Variants in XPO7 observed in about 807,000 individuals in gnomAD.
XPO7 encodes exportin-7.
Under a neutral mutation model 144.3 loss-of-function variants are expected in XPO7, and 21 were observed. The observed-to-expected ratio is 0.15, with a 90% CI of 0.10 to 0.21. XPO7 has a LOEUF of 0.21. Among genes scored for constraint, XPO7 ranks in the 10% least tolerant of loss-of-function variants. XPO7 has a pLI of 1.00. For missense variants in XPO7, 808 were observed against 1,325.8 expected (o/e 0.61, Z 6.06); for synonymous variants, 580 against 499.6 (o/e 1.16, Z -2.15).
At chr8:21,980,784 A>C (rs990119373) in intron 9 of XPO7, among the ~76,000 whole-genome samples, 4 of 152,244 alleles carry the variant, frequency 2.6e-5, no homozygotes, top group Non-Finnish European at 4.4e-5. Context: ...CAAAAAAAAA[A>C]AAAAAACTAA....
At chr8:21,934,041 T>C (rs1204496863) in intron 1 of XPO7, among the ~76,000 whole-genome samples, 1 of 152,190 alleles carries the variant, frequency 6.6e-6, no homozygotes, top group East Asian at 1.9e-4. Flanking sequence ...TTTTTTTCAG[T>C]TGTACATTGT....
At chr8:21,941,133 C>CTTTTTTTTTTT (rs34622488) in intron 1 of XPO7, among the ~76,000 whole-genome samples, 1 of 145,440 alleles carries the variant, frequency 6.9e-6, no homozygotes, top group African/African-American at 2.5e-5. Context: ...CTCCTATATG[C>CTTTTTTTTTTT]TTTTTTTTTT....
chr8:22,001,741 AC>A (rs1813155057), intron 24 of XPO7, among the ~76,000 whole-genome samples: 1 of 152,240 alleles, frequency 6.6e-6, no homozygotes. Flanking sequence ...AAAACAGAAA[AC>A]CTAATTCCTG....
intron 2 of XPO7, 28 bp from the exon 3 acceptor site, chr8:21,969,455 T>G: frequency 6.3e-7 from 1 of 1,584,788 alleles, no homozygotes; most frequent in African/African-American, 1.3e-5. Flanking sequence ...AATACAATTT[T>G]AAGTCCTTTT....
Position 21,977,808 on chromosome 8 carries a change from C to G in XPO7, c.802C>G (p.Leu268Val), listed in dbSNP as rs1812276494. Residue 268 changes from leucine to valine, a missense_variant, in exon 8 of 28, where the codon CTG becomes GTG. By Grantham distance (32) the Leu-to-Val change is conservative. Around this residue, in one of 5 missense-constraint regions of XPO7, gnomAD observed 223 missense variants for 368.8 expected, o/e 0.60. Transcript: ENST00000252512. ...DSSTLQLFFD[L>V]YHSIPPSFSP... ...TTCAACCTTGCAGCTGTTTTTTGAC[C>G]TGTATCATTCCATCCCTCCTTCATT... is the stretch of plus-strand genomic sequence containing the variant. 1.2e-6 allele frequency: 2 copies of G among 1,613,870 alleles called. No individual in the cohort carries two copies. Among genetic ancestry groups the G allele is most frequent in the Non-Finnish European group, 1.7e-6 (2 of 1,179,880 alleles).
At chr8:21,959,761 G>C (rs539053419) in intron 1 of XPO7, among the ~76,000 whole-genome samples, 4 of 152,250 alleles carry the variant, frequency 2.6e-5, no homozygotes, top group Non-Finnish European at 4.4e-5. Context: ...TGCAGTCAAA[G>C]AATCTTAGAA....
rs547955461 is a variant in XPO7, at chr8:21,978,741, G to A, written c.837+898G>A. On this transcript the variant is annotated intron_variant, in intron 8 of 27. Coordinates refer to ENST00000252512, the MANE Select transcript of XPO7 (RefSeq NM_015024.5). ...AGGAAACCTGGAGAGAGTTGAAGCT[G>A]TGTCTTAGAGGAGGGCTGGACAACA... Among the ~76,000 whole-genome samples, 7 of 152,320 alleles carry A rather than the reference G, an allele frequency of 4.6e-5. No homozygotes were observed. In the South Asian group the frequency reaches 1.2e-3, roughly 27 times the overall value.
chr8:21,987,049 C>G, intron 13 of XPO7, 92 bp from the exon 14 acceptor site: 1 of 1,558,398 alleles, frequency 6.4e-7, no homozygotes, highest in African/African-American at 1.4e-5. Context: ...TACCCAAGTA[C>G]AGGCATATAC....
intron 1 of XPO7, among the ~76,000 whole-genome samples, chr8:21,937,038 C>T (rs1386068318): frequency 6.6e-6 from 1 of 152,148 alleles, no homozygotes; most frequent in Non-Finnish European, 1.5e-5. Flanking sequence ...CGGACTCAGA[C>T]TTTGACTAAT....
intron 1 of XPO7, chr8:21,921,642 A>G (rs1312772000): frequency 6.6e-6 from 1 of 152,212 alleles, no homozygotes; most frequent in Admixed American, 6.5e-5. Context: ...TCTTATTTTT[A>G]GTAAGATGTT....
At chr8:21,999,737 AAGAG>A (rs1185020325) in intron 24 of XPO7, 63 bp downstream of exon 24, 5 of 1,598,742 alleles carry the variant, frequency 3.1e-6, no homozygotes, top group Admixed American at 3.4e-5. Context: ...ACTAAACAGA[AAGAG>A]AGAATCTTGC....
chr8:21,979,156 C>T (rs921770120), intron 8 of XPO7, among the ~76,000 whole-genome samples: 2 of 152,312 alleles, frequency 1.3e-5, no homozygotes, highest in African/African-American at 2.4e-5. Flanking sequence ...AGCGATTCTC[C>T]TGCCTCAGCC....
intron 27 of XPO7, among the ~76,000 whole-genome samples, chr8:22,004,352 A>G (rs1445700602): frequency 6.6e-6 from 1 of 152,210 alleles, no homozygotes; most frequent in Non-Finnish European, 1.5e-5. Flanking sequence ...CGTTTTCATC[A>G]GAAATACTTG....
At chr8:21,977,320 C>G (rs866236546) in intron 7 of XPO7, among the ~76,000 whole-genome samples, 57 of 152,326 alleles carry the variant, frequency 3.7e-4, no homozygotes, top group African/African-American at 1.3e-3. Flanking sequence ...GTGGCTCACG[C>G]CTGTAATCCC....
intron 13 of XPO7, 146 bp from the exon 14 acceptor site, chr8:21,986,994 GC>G: frequency 8.8e-7 from 1 of 1,137,198 alleles, no homozygotes; most frequent in Non-Finnish European, 1.3e-6. Flanking sequence ...GTCTAGTCCT[GC>G]CTCCCTCATT....
rs1005371791 is a variant in XPO7, at chr8:21,931,845, T to A, written c.18+12057T>A. On this transcript the variant is annotated intron_variant, in intron 1 of 27. Coordinates refer to ENST00000252512, the MANE Select transcript of XPO7 (RefSeq NM_015024.5). ...GGGTATCTAGAAAAGGCTTCTTTTT[T>A]AAAATCTTCTATTCTGCTAGAAGAT... 1.3e-3 allele frequency among the ~76,000 whole-genome samples: 197 copies of A among 152,192 alleles called. 1 individual carries two copies. The highest frequency in any genetic ancestry group is 8.8e-4 in the Non-Finnish European group (60 of 68,030).
intron 1 of XPO7, among the ~76,000 whole-genome samples, chr8:21,958,961 C>CAA (rs34867010): frequency 3.2e-5 from 4 of 123,098 alleles, no homozygotes; most frequent in Non-Finnish European, 5.2e-5. Flanking sequence ...ACTCTGTCTC[C>CAA]AAAAAAAAAA....
chr8:22,002,013 T>C (rs1813165307), intron 24 of XPO7, 99 bp from the exon 25 acceptor site: 10 of 1,417,730 alleles, frequency 7.1e-6, no homozygotes, highest in South Asian at 5.6e-5. Flanking sequence ...CTTGGTTGAA[T>C]TGGCCACGGT....
At chr8:22,001,546 G>A (rs1241965331) in intron 24 of XPO7, among the ~76,000 whole-genome samples, 2 of 152,248 alleles carry the variant, frequency 1.3e-5, no homozygotes, top group African/African-American at 2.4e-5. Context: ...ACAGCATACC[G>A]TGTTCTAACA....
Sources: gnomAD v4.1 joint callset for allele counts (sites outside exome capture counted in the v4.1 genomes callset) on GRCh38, gnomAD v4.1.1 for gene constraint, gnomAD v4.1.1 regional missense constraint, MANE v1.5 for transcripts, NCBI Gene and HGNC (gene_info 2026-07-23, HGNC 2026-07-21) for gene names.